Variants in CCDC30 observed in about 807,000 individuals in gnomAD.
CCDC30 encodes coiled-coil domain containing 30, also known as coiled-coil domain-containing protein 30.
Under a neutral mutation model 100.2 loss-of-function variants are expected in CCDC30, and 70 were observed. That is an observed-to-expected ratio of 0.70 (90% CI 0.58 to 0.85). CCDC30 has a LOEUF of 0.85. Ranked by LOEUF, CCDC30 falls within the 40% of genes least tolerant of loss-of-function variation. CCDC30 has a pLI of 0.00. For synonymous variants in CCDC30, 233 were observed against 269.5 expected (o/e 0.86, Z 1.33); for missense variants, 652 against 771.2 (o/e 0.85, Z 1.83).
At chr1:42,527,043 CATTTT>C (rs1569917706) in intron 6 of CCDC30, among the ~76,000 whole-genome samples, 1 of 152,242 alleles carries the variant, frequency 6.6e-6, no homozygotes, top group East Asian at 1.9e-4. Flanking sequence ...TTGTGTTCAT[CATTTT>C]TCAAAATAAC....
At chr1:42,525,820 C>G (rs555128754) in intron 6 of CCDC30, among the ~76,000 whole-genome samples, 1 of 151,974 alleles carries the variant, frequency 6.6e-6, no homozygotes, top group African/African-American at 2.4e-5. Flanking sequence ...ATGGTGTGAC[C>G]CTGGGTGTTC....
In CCDC30 at chr1:42,641,954, G is replaced by A. The variant is rs547002755; in HGVS notation, c.1420-519G>A. On this transcript the variant is annotated intron_variant, in intron 12 of 16. Transcript: ENST00000668663. ...AAAATACATGACATGGGCTGGGCAT[G>A]GTGGCTCACGCCTGTAATCCCAGCA... is the stretch of plus-strand genomic sequence containing the variant. Among the ~76,000 whole-genome samples the A allele has an allele frequency of 5.3e-5, 8 of 152,250 alleles. No homozygotes were observed. The South Asian group carries it at 8.3e-4, about 16-fold the overall frequency.
At chr1:42,643,360 A>G (rs578194611) in intron 13 of CCDC30, among the ~76,000 whole-genome samples, 6 of 152,306 alleles carry the variant, frequency 3.9e-5, no homozygotes, top group Admixed American at 2.6e-4. Context: ...CCATAGCACC[A>G]TAGTCTGGGG....
intron 11 of CCDC30, among the ~76,000 whole-genome samples, chr1:42,619,502 G>A (rs1450742802): frequency 6.6e-6 from 1 of 152,154 alleles, no homozygotes; most frequent in East Asian, 1.9e-4. Context: ...CTCCAATGAG[G>A]TATAGAAGCT....
chr1:42,546,408 A>ACACGTGTATATATATG, intron 6 of CCDC30, among the ~76,000 whole-genome samples: 1 of 6,232 alleles, frequency 1.6e-4, no homozygotes, highest in East Asian at 3.6e-3. Context: ...AAATATATAT[A>ACACGTGTATATATATG]TATATATATA....
intron 11 of CCDC30, among the ~76,000 whole-genome samples, chr1:42,623,592 T>G (rs1204574897): frequency 6.6e-6 from 1 of 152,206 alleles, no homozygotes; most frequent in Non-Finnish European, 1.5e-5. Flanking sequence ...TATTGGTCTA[T>G]GTGTCTATTT....
In CCDC30 at chr1:42,521,005, G is replaced by A. The variant is rs1280141819; in HGVS notation, c.456+22089G>A. ...TTTTTTTTTTTTGAGACGGAGTCTCGCTCTTTTGCCCAGGCTGGAGTGCAG... is the reference window on the plus strand; with the variant it reads ...TTTTTTTTTTTTGAGACGGAGTCTCACTCTTTTGCCCAGGCTGGAGTGCAG... On this transcript the variant is annotated intron_variant, in intron 6 of 16. Transcript: ENST00000668663. Among the ~76,000 whole-genome samples, 36 of 136,462 alleles carry A rather than the reference G, an allele frequency of 2.6e-4. No individual in the cohort carries two copies. In the East Asian group the frequency reaches 6.5e-3, roughly 25 times the overall value. The allele number at this position is 136,462 out of a possible 152,430, so 89.5% of individuals were successfully genotyped here.
chr1:42,656,264 C>T (rs942027990), downstream of CCDC30, among the ~76,000 whole-genome samples: 1 of 152,140 alleles, frequency 6.6e-6, no homozygotes, highest in Non-Finnish European at 1.5e-5. Flanking sequence ...AAAACAAATT[C>T]GCAAGATTGG....
the CCDC30 span, chr1:42,457,133 AT>A: frequency 1.9e-6 from 3 of 1,582,684 alleles, no homozygotes; most frequent in East Asian, 2.2e-5. Flanking sequence ...CCAGCCACTT[AT>A]CCCCTTACCT....
chr1:42,494,535 C>T (rs1644199452), intron 4 of CCDC30, among the ~76,000 whole-genome samples: 2 of 152,148 alleles, frequency 1.3e-5, no homozygotes, highest in African/African-American at 2.4e-5. Flanking sequence ...AGCTTCTGCA[C>T]AGCAGGAGAA....
chr1:42,638,640 G>C (rs1212720609), intron 12 of CCDC30, among the ~76,000 whole-genome samples: 1 of 151,718 alleles, frequency 6.6e-6, no homozygotes, highest in Non-Finnish European at 1.5e-5. Flanking sequence ...TTGGGAGGCC[G>C]AGGTGGGCAG....
chr1:42,504,302 TGTCACA>T (rs1644365430), intron 6 of CCDC30, among the ~76,000 whole-genome samples: 2 of 152,362 alleles, frequency 1.3e-5, no homozygotes, highest in Admixed American at 1.3e-4. Context: ...ATGATGAACA[TGTCACA>T]GTGCAGCAGA....
At chr1:42,561,412 A>G (rs1458851386) in intron 6 of CCDC30, among the ~76,000 whole-genome samples, 1 of 152,230 alleles carries the variant, frequency 6.6e-6, no homozygotes, top group Non-Finnish European at 1.5e-5. Flanking sequence ...ACATCCCTTC[A>G]TGTTAAAAAC....
chr1:42,621,924 G>T (rs1340341979), intron 11 of CCDC30, among the ~76,000 whole-genome samples: 1 of 152,084 alleles, frequency 6.6e-6, no homozygotes, highest in Admixed American at 6.6e-5. Flanking sequence ...TGGGATTACG[G>T]GTGTGAGCCA....
intron 6 of CCDC30, chr1:42,533,746 A>C (rs535920768): frequency 7.2e-5 from 11 of 152,420 alleles, no homozygotes; most frequent in African/African-American, 2.6e-4. Context: ...AGGGCGCAGC[A>C]CAACGCAAGC....
chr1:42,629,467 T>C (rs1051772162), intron 11 of CCDC30, among the ~76,000 whole-genome samples: 16 of 152,316 alleles, frequency 1.1e-4, no homozygotes, highest in African/African-American at 2.9e-4. Flanking sequence ...ATTTTTGACC[T>C]TTGGAAGTTT....
chr1:42,577,416 G>A (rs1645862510), intron 8 of CCDC30, among the ~76,000 whole-genome samples, 187 bp downstream of exon 12: 1 of 152,016 alleles, frequency 6.6e-6, no homozygotes. Flanking sequence ...TTGTGTATTT[G>A]TAAAAACTTC....
chr1:42,472,996 T>A, intron 1 of CCDC30: 2 of 819,652 alleles, frequency 2.4e-6, no homozygotes, highest in Non-Finnish European at 3.2e-6. Context: ...ACTAGCTTTC[T>A]ATTGCTAGTA....
chr1:42,464,690 G>A (rs1373426888), intron 1 of CCDC30, among the ~76,000 whole-genome samples: 1 of 152,230 alleles, frequency 6.6e-6, no homozygotes, highest in Non-Finnish European at 1.5e-5. Flanking sequence ...TGGAAAGCTT[G>A]ACTTAATTTG....
Sources: allele counts gnomAD v4.1 joint callset (sites outside exome capture counted in the v4.1 genomes callset), GRCh38; gene constraint gnomAD v4.1.1; transcripts MANE v1.5; gene names NCBI Gene and HGNC (gene_info 2026-07-23, HGNC 2026-07-21).